Variants in CALN1 observed in about 807,000 individuals in gnomAD.
CALN1 encodes the protein calcium-binding protein 8.
A neutral mutation model predicts 30.6 loss-of-function variants in CALN1; 17 were observed. That is an observed-to-expected ratio of 0.56 (90% CI 0.38 to 0.83). The LOEUF (loss-of-function observed/expected upper bound fraction) is 0.83. Among genes scored for constraint, CALN1 ranks in the 40% least tolerant of loss-of-function variants. CALN1 has a pLI of 0.00. For missense variants in CALN1, 291 were observed against 354.9 expected (o/e 0.82, Z 1.45); for synonymous variants, 156 against 131.4 (o/e 1.19, Z -1.28).
At chr7:72,374,169 G>T (rs549800838) in intron 2 of CALN1, among the ~76,000 whole-genome samples, 2 of 152,264 alleles carry the variant, frequency 1.3e-5, no homozygotes, top group African/African-American at 2.4e-5. Flanking sequence ...CTGAAACCTT[G>T]GGGAATGAAG....
At chr7:71,907,231 G>T (rs1305212706) in intron 5 of CALN1, among the ~76,000 whole-genome samples, 1 of 133,690 alleles carries the variant, frequency 7.5e-6, no homozygotes, top group Middle Eastern at 3.3e-3. Flanking sequence ...AAACAGAAAT[G>T]AGGTTTAAAC....
intron 3 of CALN1, among the ~76,000 whole-genome samples, chr7:72,236,701 A>T (rs1794492227): frequency 6.6e-6 from 1 of 152,256 alleles, no homozygotes; most frequent in African/African-American, 2.4e-5. Context: ...GACATCCCAG[A>T]GCAAACTGTG....
intron 2 of CALN1, among the ~76,000 whole-genome samples, chr7:72,388,570 G>C (rs1040185528): frequency 2.6e-5 from 4 of 152,166 alleles, no homozygotes; most frequent in Non-Finnish European, 1.5e-5. Context: ...GGGGATATGG[G>C]CACTCTGTGC....
chr7:71,857,022 G>GTGTGTGTGTGTA (rs1554357105), intron 5 of CALN1, among the ~76,000 whole-genome samples: 310 of 106,816 alleles, frequency 2.9e-3, no homozygotes, highest in African/African-American at 0.018. Flanking sequence ...ATGTATGTGT[G>GTGTGTGTGTGTA]TGTGTGTGTG....
chr7:72,461,139 G>A, the CALN1 span, among the ~76,000 whole-genome samples: 159 of 152,200 alleles, frequency 1.0e-3, no homozygotes, highest in Middle Eastern at 3.4e-3. Context: ...CCGGACCCAC[G>A]AAGGGTACAA....
chr7:72,476,594 T>A, the CALN1 span, among the ~76,000 whole-genome samples: 223 of 152,304 alleles, frequency 1.5e-3, 2 homozygotes, highest in African/African-American at 5.2e-3. Flanking sequence ...CATACCCACA[T>A]CATATCTCAA....
chr7:72,134,842 A>G (rs1809395193), intron 3 of CALN1, among the ~76,000 whole-genome samples: 1 of 152,222 alleles, frequency 6.6e-6, no homozygotes, highest in Non-Finnish European at 1.5e-5. Context: ...CATTTTACCC[A>G]CAGTAGAACT....
intron 3 of CALN1, among the ~76,000 whole-genome samples, chr7:72,235,916 A>G (rs1422909596): frequency 6.6e-6 from 1 of 151,962 alleles, no homozygotes; most frequent in African/African-American, 2.4e-5. Context: ...CTGCTACCTG[A>G]CCAAGAACCA....
rs550477194 is a variant in CALN1, at chr7:72,392,900, G to T, written c.119+10351C>A. ...TGCTGTCCCAGCTACTTCGGAGGCTGAGGTGGGAGAACTGTTTGATCCCAG... is the reference window on the plus strand; with the variant it reads ...TGCTGTCCCAGCTACTTCGGAGGCTTAGGTGGGAGAACTGTTTGATCCCAG... On this transcript the variant is annotated intron_variant, in intron 2 of 6. Transcript: ENST00000395275. Among the ~76,000 whole-genome samples the T allele has an allele frequency of 4.6e-5, 7 of 152,180 alleles. 2 individuals are homozygous for T. In the South Asian group the frequency reaches 1.2e-3, roughly 27 times the overall value.
At chr7:72,400,566 G>T (rs1318207735) in intron 2 of CALN1, among the ~76,000 whole-genome samples, 1 of 152,162 alleles carries the variant, frequency 6.6e-6, no homozygotes, top group Non-Finnish European at 1.5e-5. Context: ...CATTACATGA[G>T]GCGAGATTAA....
intron 3 of CALN1, among the ~76,000 whole-genome samples, chr7:72,230,935 A>C (rs1406293989): frequency 6.6e-6 from 1 of 152,272 alleles, no homozygotes; most frequent in East Asian, 1.9e-4. Context: ...GAAATAAAAA[A>C]TTCATCAGTT....
chr7:72,271,575 A>AAAAATATATATATATATAT lies in CALN1; in HGVS notation c.244+7110_244+7111insATATATATATATATATTTT. ...CTGTGCCTGCCTTTTAAAAAAAAAA[A>AAAAATATATATATATATAT]ATATATATATATATATATAGTTTTC... On this transcript the variant is annotated intron_variant, in intron 3 of 6. Coordinates refer to ENST00000395275, the MANE Select transcript of CALN1 (RefSeq NM_031468.4). Among the ~76,000 whole-genome samples, 86 of 52,102 alleles carry AAAAATATATATATATATAT rather than the reference A, an allele frequency of 1.7e-3. 4 individuals carry two copies. The highest frequency in any genetic ancestry group is 7.5e-3 in the African/African-American group (56 of 7,440). 34.2% of individuals were successfully genotyped at this position (52,102 alleles called of 152,430 possible).
intron 5 of CALN1, among the ~76,000 whole-genome samples, chr7:71,919,921 A>G (rs1794854831): frequency 6.6e-6 from 1 of 152,200 alleles, no homozygotes; most frequent in African/African-American, 2.4e-5. Flanking sequence ...TGTGTTCCTG[A>G]GCCTGGTTCT....
chr7:72,362,891 G>A (rs956042156), intron 2 of CALN1, among the ~76,000 whole-genome samples: 2 of 152,210 alleles, frequency 1.3e-5, no homozygotes, highest in Non-Finnish European at 2.9e-5. Flanking sequence ...AAATGAAGCA[G>A]ACTTCTAATG....
chr7:71,790,285 A>C (rs939947705), intron 6 of CALN1, among the ~76,000 whole-genome samples: 1 of 151,234 alleles, frequency 6.6e-6, no homozygotes, highest in African/African-American at 2.4e-5. Context: ...AGCAAGAAAG[A>C]AACGAAGGAA....
intron 4 of CALN1, among the ~76,000 whole-genome samples, chr7:72,072,957 TAC>T (rs1303723036): frequency 6.6e-6 from 1 of 152,028 alleles, no homozygotes; most frequent in Non-Finnish European, 1.5e-5. Flanking sequence ...AAAAGATCAC[TAC>T]ACACAAAAGA....
At chr7:72,124,391 C>T (rs1808597923) in intron 3 of CALN1, among the ~76,000 whole-genome samples, 1 of 152,166 alleles carries the variant, frequency 6.6e-6, no homozygotes, top group South Asian at 2.1e-4. Flanking sequence ...AATTAGATGA[C>T]ACTTCGGGAG....
intron 1 of CALN1, among the ~76,000 whole-genome samples, chr7:72,444,062 C>T (rs1808445250): frequency 6.6e-6 from 1 of 151,504 alleles, no homozygotes; most frequent in African/African-American, 2.4e-5. Flanking sequence ...CCAGTAGGTA[C>T]TAAGTGTCTC....
intron 3 of CALN1, among the ~76,000 whole-genome samples, chr7:72,112,062 TA>T (rs373502696): frequency 1.3e-5 from 2 of 151,788 alleles, no homozygotes; most frequent in Non-Finnish European, 2.9e-5. Flanking sequence ...TCTTTTTTCT[TA>T]AAAAAAAGTC....
Sources: gnomAD v4.1 joint callset for allele counts (sites outside exome capture counted in the v4.1 genomes callset) on GRCh38, gnomAD v4.1.1 for gene constraint, MANE v1.5 for transcripts, NCBI Gene and HGNC (gene_info 2026-07-23, HGNC 2026-07-21) for gene names.